Variants in RBMX observed in about 807,000 individuals in gnomAD.
RBMX encodes the protein RNA-binding motif protein, X chromosome.
In RBMX, 1 loss-of-function variant was observed where a neutral mutation model predicts 29.3. That is an observed-to-expected ratio of 0.03 (90% CI 0.01 to 0.16). RBMX has a LOEUF of 0.16. Ranked by LOEUF, RBMX falls within the 10% of genes least tolerant of loss-of-function variation. The pLI, the probability that RBMX is intolerant of heterozygous loss-of-function variation, is 1.00. For missense variants in RBMX, 121 were observed against 333.2 expected (o/e 0.36, Z 4.96); for synonymous variants, 102 against 102.3 (o/e 1.00, Z 0.02).
Position 136,880,603 on chromosome X carries a change from G to A in RBMX, c.-33C>T, listed in dbSNP as rs1053062279. On this transcript the variant is annotated 5_prime_UTR_variant, in exon 1 of 9. Transcript: ENST00000320676. ...GAGGAAAGGAGACACGTACCGGAGGGGTGACAATGGGTTCAAGCTCCAACG... is the reference window on the plus strand; with the variant it reads ...GAGGAAAGGAGACACGTACCGGAGGAGTGACAATGGGTTCAAGCTCCAACG... The A allele has an allele frequency of 8.4e-6, 1 of 118,736 alleles. No homozygotes were observed. Among genetic ancestry groups the A allele is most frequent in the African/African-American group, 3.2e-5 (1 of 30,923 alleles). 9.8% of individuals were successfully genotyped at this position (118,736 alleles called of 1,213,427 possible).
chrX:136,877,310 C>T (rs1430170395), intron 4 of RBMX, among the ~76,000 whole-genome samples: 1 of 76,344 alleles, frequency 1.3e-5, no homozygotes, highest in Non-Finnish European at 2.4e-5. Context: ...TCAGCCTGGG[C>T]AACAAGTGCT....
chrX:136,874,874 ATCCCCTCCAAAGCAAGCAAAC>A (rs914013058), intron 8 of RBMX, 191 bp downstream of exon 8: 1 of 670,543 alleles, frequency 1.5e-6, no homozygotes. Context: ...AGCAAGCAAA[ATCCCCTCCAAAGCAAGCAAAC>A]AGCCTCAAAA....
At chrX:136,878,185 T>C (rs2077754869) in intron 3 of RBMX, 99 bp from the exon 4 acceptor site, 1 of 749,857 alleles carries the variant, frequency 1.3e-6, no homozygotes, top group Non-Finnish European at 1.9e-6. Flanking sequence ...AATGCAGTTA[T>C]GGGTAAGTGT....
intron 8 of RBMX, chrX:136,874,685 G>A (rs891362943): frequency 4.5e-6 from 2 of 440,243 alleles, no homozygotes; most frequent in African/African-American, 2.5e-5. Flanking sequence ...TATTTCAAGA[G>A]GATATTCCAG....
chrX:136,875,711 A>G lies in RBMX; in HGVS notation c.542-126T>C, dbSNP rs1603366622. ...TGACATTACGGAGGCTAGATCACCT[A>G]ATTTTATTTTCTACAATTTCCCATT... On this transcript the variant is annotated intron_variant, in intron 5 of 8. Transcript: ENST00000320676. 7.5e-6 allele frequency: 7 copies of G among 933,971 alleles called. No homozygotes were observed. In the East Asian group the frequency reaches 2.4e-4, roughly 32 times the overall value. 77.0% of individuals were successfully genotyped at this position (933,971 alleles called of 1,213,427 possible). A position where few individuals can be genotyped will look rare whatever the true frequency, so the allele number is the denominator to read the frequency against.
intron 8 of RBMX, 129 bp from the exon 9 acceptor site, chrX:136,874,581 T>C: frequency 1.2e-6 from 1 of 801,271 alleles, no homozygotes; most frequent in Non-Finnish European, 1.8e-6. Context: ...TTTTAAACTC[T>C]GCCATTGCTG....
intron 1 of RBMX, among the ~76,000 whole-genome samples, chrX:136,879,885 C>G (rs1410799503): frequency 1.8e-5 from 2 of 111,862 alleles, no homozygotes; most frequent in Non-Finnish European, 1.9e-5. Context: ...CTCCTCTTTT[C>G]CTCATTAGGA....
Position 136,873,959 on chromosome X carries a change from A to G in RBMX, c.*183T>C. ...TTGAAAAGCAATGCGAAAGTCAAAT[A>G]AAATTAAACATGTTTTACTTTTTTC... On this transcript the variant is annotated 3_prime_UTR_variant, in exon 9 of 9. Transcript: ENST00000320676. 9.3e-7 allele frequency: 1 copy of G among 1,079,397 alleles called. No individual in the cohort carries two copies. The highest frequency in any genetic ancestry group is 1.2e-6 in the Non-Finnish European group (1 of 833,357). The allele number at this position is 1,079,397 out of a possible 1,213,427, so 89.0% of individuals were successfully genotyped here. A position where few individuals can be genotyped will look rare whatever the true frequency, so the allele number is the denominator to read the frequency against.
chrX:136,876,379 C>G (rs1231858857), intron 5 of RBMX, 124 bp downstream of exon 5: 15 of 789,817 alleles, frequency 1.9e-5, no homozygotes, highest in Non-Finnish European at 2.4e-5. Context: ...GCCGCGGCCT[C>G]CCAAAGTGCT....
At chrX:136,870,687 C>T (rs777939197), downstream of RBMX, among the ~76,000 whole-genome samples, 29 of 101,986 alleles carry the variant, frequency 2.8e-4, no homozygotes, top group South Asian at 6.6e-3. Context: ...AAAGATTAGC[C>T]GGGCACGGTG....
At chrX:136,876,718 T>A in intron 4 of RBMX, 63 bp from the exon 5 acceptor site, 1 of 900,910 alleles carries the variant, frequency 1.1e-6, no homozygotes, top group Non-Finnish European at 1.5e-6. Context: ...ATATAAAAGT[T>A]TTTTTTTTTT....
Position 136,879,005 on chromosome X carries a change from A to G in RBMX, c.216+12T>C. 8.3e-7 allele frequency: 1 copy of G among 1,209,240 alleles called. No homozygotes were observed. The highest frequency in any genetic ancestry group is 1.1e-6 in the Non-Finnish European group (1 of 895,030). Reference sequence around the variant, plus strand: ...AGTAACAGGTTATCATCCATCGTGTAGACAATCTCACCTTTCCATTCATGT... The same window carrying G: ...AGTAACAGGTTATCATCCATCGTGTGGACAATCTCACCTTTCCATTCATGT... On this transcript the variant is annotated intron_variant, in intron 3 of 8. Transcript: ENST00000320676.
chrX:136,876,753 G>A (rs967283781), intron 4 of RBMX, 98 bp from the exon 5 acceptor site: 222 of 752,125 alleles, frequency 3.0e-4, no homozygotes, highest in Non-Finnish European at 3.8e-4. Context: ...TGTCGCCCAG[G>A]CTGGAGTGCA....
chrX:136,879,560 T>C (rs1387645060), intron 1 of RBMX, 107 bp from the exon 2 acceptor site: 2 of 688,300 alleles, frequency 2.9e-6, no homozygotes, highest in Non-Finnish European at 2.2e-6. Context: ...CATTGTTCCT[T>C]AATAACTAAA....
chrX:136,874,060 T>C lies in RBMX; in HGVS notation c.*82A>G, dbSNP rs1265633503. Reference sequence around the variant, plus strand: ...AAAGTAACACAATTTTTCCTTTTAGTAGTCCTTGGGTAGTTATGATAGAAT... The same window carrying C: ...AAAGTAACACAATTTTTCCTTTTAGCAGTCCTTGGGTAGTTATGATAGAAT... On this transcript the variant is annotated 3_prime_UTR_variant, in exon 9 of 9. Coordinates refer to ENST00000320676, the MANE Select transcript of RBMX (RefSeq NM_002139.4). The C allele has an allele frequency of 1.8e-6, 2 of 1,119,936 alleles. No individual in the cohort carries two copies. The highest frequency in any genetic ancestry group is 1.2e-6 in the Non-Finnish European group (1 of 852,222). 92.3% of individuals were successfully genotyped at this position (1,119,936 alleles called of 1,213,427 possible).
chrX:136,873,266 C>T (rs2077695843), downstream of RBMX: 1 of 160,682 alleles, frequency 6.2e-6, no homozygotes, highest in Admixed American at 9.5e-5. Flanking sequence ...GTTTCACAGG[C>T]ATTTGATGCT....
At chrX:136,871,811 G>GTTTT (rs750533072), downstream of RBMX, among the ~76,000 whole-genome samples, 7 of 74,909 alleles carry the variant, frequency 9.3e-5, no homozygotes, top group Admixed American at 1.6e-4. Flanking sequence ...CACGCCCGGT[G>GTTTT]TTTTTTTTTT....
chrX:136,879,590 G>A, intron 1 of RBMX, 137 bp from the exon 2 acceptor site: 1 of 545,053 alleles, frequency 1.8e-6, no homozygotes, highest in Non-Finnish European at 2.9e-6. Context: ...AACGAGCTAA[G>A]CCTCAGCCAC....
At chrX:136,876,703 G>T (rs766699839) in intron 4 of RBMX, 48 bp from the exon 5 acceptor site, 6 of 883,497 alleles carry the variant, frequency 6.8e-6, no homozygotes, top group Non-Finnish European at 9.2e-6. Flanking sequence ...CAAGAATCAA[G>T]AAAGATATAA....
Sources: allele counts gnomAD v4.1 joint callset (sites outside exome capture counted in the v4.1 genomes callset), GRCh38; gene constraint gnomAD v4.1.1; transcripts MANE v1.5; gene names NCBI Gene and HGNC (gene_info 2026-07-23, HGNC 2026-07-21).